The following VPS16 variants were observed in gnomAD, a reference collection of about 807,000 sequenced individuals.
The protein encoded by VPS16 is vacuolar protein sorting-associated protein 16 homolog.
A neutral mutation model predicts 116.0 loss-of-function variants in VPS16; 82 were observed. That is an observed-to-expected ratio of 0.71 (90% CI 0.59 to 0.85). The LOEUF is 0.85. VPS16 is among the 40% of genes least tolerant of loss of function. VPS16 has a pLI of 0.00. For missense variants in VPS16, 928 were observed against 1,090.6 expected, an observed-to-expected ratio of 0.85 and a Z score of 2.10; for synonymous variants, 406 against 420.7, an observed-to-expected ratio of 0.96 and a Z score of 0.43.
intron 1 of VPS16, among the ~76,000 whole-genome samples, chr20:2,853,334 A>G (rs1171119180): frequency 1.3e-5 from 2 of 152,090 alleles, no homozygotes; most frequent in African/African-American, 4.8e-5. Context: ...CGTTGCAGTG[A>G]GCCGAGATCG....
chr20:2,864,634 G>A lies in VPS16; in HGVS notation c.1906G>A (p.Ala636Thr). The change falls in exon 19 of 24, where the codon GCC becomes ACC. Residue 636 changes from alanine (A) to threonine (T), a missense_variant. Coordinates refer to ENST00000380445, the MANE Select transcript of VPS16 (RefSeq NM_022575.4). The surrounding 1 kb of genome is among the most constrained non-coding windows in gnomAD (Gnocchi z 5.2). Reference protein sequence around the residue: ...HQELGSFHIRASYAAEERIEG... With the variant: ...HQELGSFHIRTSYAAEERIEG... Reference sequence around the variant, plus strand: ...GGAATTGGGCAGCTTCCACATCCGAGCCAGCTATGCTGCAGAAGAGGTCTG... The same window carrying A: ...GGAATTGGGCAGCTTCCACATCCGAACCAGCTATGCTGCAGAAGAGGTCTG... 1 of 1,614,128 alleles carries A rather than the reference G, an allele frequency of 6.2e-7. No homozygotes were observed. The highest frequency in any genetic ancestry group is 1.3e-5 in the African/African-American group (1 of 75,028).
At chr20:2,841,472 C>T (rs149817272) in intron 1 of VPS16, among the ~76,000 whole-genome samples, 1,543 of 152,366 alleles carry the variant, frequency 0.01, 10 homozygotes, top group Non-Finnish European at 0.015. Flanking sequence ...CTACCGCTCT[C>T]CTACCCAAAT....
intron 11 of VPS16, 32 bp downstream of exon 11, chr20:2,862,162 A>C (rs1244914884): frequency 1.9e-6 from 3 of 1,604,202 alleles, no homozygotes; most frequent in Non-Finnish European, 2.6e-6. Context: ...CCAGTCCCAG[A>C]ATGGTTCCTC....
chr20:2,866,254 G>A lies in VPS16; in HGVS notation c.2314G>A (p.Ala772Thr). The A allele has an allele frequency of 6.2e-7, 1 of 1,614,098 alleles. No individual in the cohort carries two copies. The highest frequency in any genetic ancestry group is 8.5e-7 in the Non-Finnish European group (1 of 1,180,022). Residue 772 changes from alanine to threonine, a missense_variant, in exon 23 of 24, where the codon GCC becomes ACC. Transcript: ENST00000380445. ...ICMKQHNKYE[A>T]KKYASRVGPE... ...CATGAAACAACATAACAAATACGAA[G>A]CCAAGAAGTATGCTTCCCGCGTGGG... is the stretch of plus-strand genomic sequence containing the variant.
chr20:2,850,965 C>CAAAA (rs57731229), intron 1 of VPS16, among the ~76,000 whole-genome samples: 1 of 91,446 alleles, frequency 1.1e-5, no homozygotes, highest in African/African-American at 3.5e-5. Context: ...GTAAGACTGT[C>CAAAA]AAAAAAAAAA....
At chr20:2,841,625 C>T (rs957036534) in intron 1 of VPS16, among the ~76,000 whole-genome samples, 12 of 152,336 alleles carry the variant, frequency 7.9e-5, no homozygotes, top group African/African-American at 2.9e-4. Flanking sequence ...TGGAACTGTG[C>T]CTGATTCTCC....
intron 11 of VPS16, 37 bp from the exon 12 acceptor site, chr20:2,862,542 T>A: frequency 6.2e-7 from 1 of 1,601,970 alleles, no homozygotes; most frequent in Non-Finnish European, 8.5e-7. Flanking sequence ...GAGTGTTCTC[T>A]GTCATGATGC....
Position 2,863,222 on chromosome 20 carries a change from CTGAGGCCACT to C in VPS16, c.1368-67_1368-58del, listed in dbSNP as rs2089260788. The C allele has an allele frequency of 6.2e-7, 1 of 1,609,356 alleles. No individual in the cohort carries two copies. The highest frequency in any genetic ancestry group is 1.7e-5 in the Admixed American group (1 of 59,954). The stretch of plus-strand genomic sequence containing the variant: ...GGATGTGGGAGGCCTGATGTGCAGG[CTGAGGCCACT>C]CTGCTCCCTTTCTCCTCCACCTCAC... On this transcript the variant is annotated intron_variant, in intron 14 of 23. Coordinates refer to ENST00000380445, the MANE Select transcript of VPS16 (RefSeq NM_022575.4). The surrounding 1 kb of genome is among the most constrained non-coding windows in gnomAD (Gnocchi z 4.4).
chr20:2,846,004 A>G (rs1480862173), intron 1 of VPS16, among the ~76,000 whole-genome samples: 1 of 150,832 alleles, frequency 6.6e-6, no homozygotes, highest in East Asian at 1.9e-4. Context: ...TTGCTTATCC[A>G]TTTCATCTTT....
intron 1 of VPS16, among the ~76,000 whole-genome samples, chr20:2,850,461 G>C (rs1169339894): frequency 6.6e-6 from 1 of 151,440 alleles, no homozygotes; most frequent in Admixed American, 6.6e-5. Flanking sequence ...CCCCATCTCT[G>C]ATAAAAATAC....
chr20:2,864,307 G>T lies in VPS16; in HGVS notation c.1720+20G>T, dbSNP rs377269831. 15 of 1,613,838 alleles carry T rather than the reference G, an allele frequency of 9.3e-6. No homozygotes were observed. The highest frequency in any genetic ancestry group is 1.7e-5 in the Admixed American group (1 of 59,982). On this transcript the variant is annotated intron_variant, in intron 17 of 23. Transcript: ENST00000380445. The surrounding 1 kb of genome is among the most constrained non-coding windows in gnomAD (Gnocchi z 5.2). The stretch of plus-strand genomic sequence containing the variant: ...ACCTGGGTGAGGGCAAGGCTGGGGG[G>T]CCCCTGGGCTAAGTGGGAGCCTGGC...
At position 2,860,762 on chromosome 20, in the gene VPS16, C is replaced by G; in HGVS notation, c.529C>G (p.Pro177Ala). ...CCTGGCCATAGGTCTGCAAAGTGCA[C>G]CCTCCTGCTGGACTGTGCTGTGCCA... ...MPEVPGLQSAPSCWTVLCQDR... is the reference protein window; with the variant it reads ...MPEVPGLQSAASCWTVLCQDR... The change falls in exon 6 of 24, where the codon CCC becomes GCC. Residue 177 changes from proline to alanine, a missense_variant. Pro to Ala is a conservative substitution (Grantham distance 27). Coordinates refer to ENST00000380445, the MANE Select transcript of VPS16 (RefSeq NM_022575.4). The surrounding 1 kb of genome is among the most constrained non-coding windows in gnomAD (Gnocchi z 6.1). The G allele has an allele frequency of 6.2e-7, 1 of 1,613,960 alleles. No individual in the cohort carries two copies. Among genetic ancestry groups the G allele is most frequent in the Non-Finnish European group, 8.5e-7 (1 of 1,180,038 alleles).
chr20:2,860,181 A>G lies in VPS16; in HGVS notation c.240+30A>G. 1 of 1,613,976 alleles carries G rather than the reference A, an allele frequency of 6.2e-7. No individual in the cohort carries two copies. Among genetic ancestry groups the G allele is most frequent in the Non-Finnish European group, 8.5e-7 (1 of 1,180,004 alleles). The stretch of plus-strand genomic sequence containing the variant: ...GCACTTCTGATGGTCCCTGGGGCTC[A>G]GGGCTGGACAGGGTTTCCTCACCTG... On this transcript the variant is annotated intron_variant, in intron 3 of 23. Coordinates refer to ENST00000380445, the MANE Select transcript of VPS16 (RefSeq NM_022575.4). The surrounding 1 kb of genome is among the most constrained non-coding windows in gnomAD (Gnocchi z 6.1).
chr20:2,852,208 TA>T, intron 1 of VPS16, among the ~76,000 whole-genome samples: 1 of 152,084 alleles, frequency 6.6e-6, no homozygotes, highest in East Asian at 1.9e-4. Context: ...GGAGCAGTAC[TA>T]GATATTCTCA....
Position 2,864,689 on chromosome 20 carries a change from G to T in VPS16, c.1926+35G>T. 6.2e-7 allele frequency: 1 copy of T among 1,601,208 alleles called. No individual in the cohort carries two copies. ...CCATGGGGCGTGTGGGGCGTGTGGG[G>T]CATGTGGGCTGGGGCTGTTGGTCCG... On this transcript the variant is annotated intron_variant, in intron 19 of 23. Coordinates refer to ENST00000380445, the MANE Select transcript of VPS16 (RefSeq NM_022575.4). This position sits in a 1 kb window ranked among gnomAD's most constrained non-coding sequence, Gnocchi z 5.2.
rs769412989 is a variant in VPS16 at position 2,861,799 on chromosome 20, G to A, written c.900-6G>A. On this transcript the variant is annotated splice_polypyrimidine_tract_variant and splice_region_variant and intron_variant, in intron 9 of 23. Coordinates refer to ENST00000380445, the MANE Select transcript of VPS16 (RefSeq NM_022575.4). ...AGGTGCTCTTAGGAGCCTTAACCAA[G>A]CTCAGGTTTGTGCTGGATGAGGACT... The A allele has an allele frequency of 2.4e-5, 39 of 1,613,676 alleles. No individual in the cohort carries two copies. The highest frequency in any genetic ancestry group is 3.3e-5 in the Non-Finnish European group (39 of 1,179,918).
At position 2,862,801 on chromosome 20, in the gene VPS16, T is replaced by C; in HGVS notation, c.1204-6T>C. ...CTCTCTCCTATCGCCCTCTGGCTCT[T>C]CTCAGGCCGCCTCCTTCGGAAAGTG... On this transcript the variant is annotated splice_polypyrimidine_tract_variant and splice_region_variant and intron_variant, in intron 12 of 23. Coordinates refer to ENST00000380445, the MANE Select transcript of VPS16 (RefSeq NM_022575.4). 1.2e-6 allele frequency: 2 copies of C among 1,613,866 alleles called. No individual in the cohort carries two copies. The highest frequency in any genetic ancestry group is 1.7e-6 in the Non-Finnish European group (2 of 1,180,008).
chr20:2,865,199 G>A lies in VPS16; in HGVS notation c.2056G>A (p.Glu686Lys), dbSNP rs756234602. 1.9e-6 allele frequency: 3 copies of A among 1,614,104 alleles called. No individual in the cohort carries two copies. Among genetic ancestry groups the A allele is most frequent in the South Asian group, 2.2e-5 (2 of 91,084 alleles). Residue 686 changes from glutamate (E) to lysine (K), a missense_variant, in exon 21 of 24, where the codon GAG becomes AAG. Transcript: ENST00000380445. The surrounding 1 kb of genome is among the most constrained non-coding windows in gnomAD (Gnocchi z 5.2). ...LLRLQRRLED[E>K]LGGQFLDLSL... ...ACGGCTGCAGCGGCGCCTAGAAGAC[G>A]AGCTGGGGGGCCAGTTCCTAGACCT... is the stretch of plus-strand genomic sequence containing the variant.
At chr20:2,862,960 A>G in intron 13 of VPS16, 26 bp downstream of exon 13, 1 of 1,613,622 alleles carries the variant, frequency 6.2e-7, no homozygotes, top group Non-Finnish European at 8.5e-7. Flanking sequence ...CCAGAAGGGT[A>G]CCCTACAGCC....
Sources: allele counts gnomAD v4.1 joint callset (sites outside exome capture counted in the v4.1 genomes callset), GRCh38; gene constraint gnomAD v4.1.1; non-coding constraint Gnocchi (gnomAD v3.1); transcripts MANE v1.5; gene names NCBI Gene and HGNC (gene_info 2026-07-23, HGNC 2026-07-21).